Variants in RBFOX1 observed in about 807,000 individuals in gnomAD.
RBFOX1 encodes the protein RNA binding protein fox-1 homolog 1.
A neutral mutation model predicts 57.7 loss-of-function variants in RBFOX1; 8 were observed. That is an observed-to-expected ratio of 0.14 (90% CI 0.08 to 0.25). RBFOX1 has a LOEUF of 0.25. Among genes scored for constraint, RBFOX1 ranks in the 10% least tolerant of loss-of-function variants. The pLI, the probability that RBFOX1 is intolerant of heterozygous loss-of-function variation, is 1.00. For missense variants in RBFOX1, 611 were observed against 548.5 expected, an observed-to-expected ratio of 1.11 and a Z score of -1.14; for synonymous variants, 326 against 222.4, an observed-to-expected ratio of 1.47 and a Z score of -4.15.
At chr16:5,603,931 A>AC (rs948726418), downstream of RBFOX1, among the ~76,000 whole-genome samples, 26 of 152,238 alleles carry the variant, frequency 1.7e-4, no homozygotes, top group African/African-American at 6.3e-4. Context: ...TAGAAACTAT[A>AC]CCCTCCTATA....
chr16:5,890,675 TGACA>T (rs2058025003), intron 4 of RBFOX1, among the ~76,000 whole-genome samples: 1 of 123,726 alleles, frequency 8.1e-6, no homozygotes, highest in East Asian at 2.5e-4. Flanking sequence ...CTAGCCTGGG[TGACA>T]GACAGAGAGT....
intron 4 of RBFOX1, among the ~76,000 whole-genome samples, chr16:7,291,426 G>T (rs368230468): frequency 3.9e-5 from 6 of 152,260 alleles, no homozygotes; most frequent in East Asian, 3.9e-4. Flanking sequence ...TGATGTGCTA[G>T]TATAGCCACA....
At chr16:5,758,824 C>T (rs562892740) in intron 3 of RBFOX1, among the ~76,000 whole-genome samples, 1 of 152,080 alleles carries the variant, frequency 6.6e-6, no homozygotes, top group Non-Finnish European at 1.5e-5. Context: ...AATGTATGCT[C>T]CCCTAGACAG....
chr16:6,024,390 G>T (rs1181015740), intron 1 of RBFOX1, among the ~76,000 whole-genome samples: 7 of 152,116 alleles, frequency 4.6e-5, no homozygotes, highest in Non-Finnish European at 1.0e-4. Context: ...TGACTTGGGG[G>T]GACATTCCAG....
At chr16:7,593,230 T>A (rs2094532484) in intron 7 of RBFOX1, among the ~76,000 whole-genome samples, 1 of 152,172 alleles carries the variant, frequency 6.6e-6, no homozygotes, top group African/African-American at 2.4e-5. Context: ...TCTGGGATTC[T>A]AATCCAGTGG....
chr16:6,923,568 A>C lies in RBFOX1; in HGVS notation c.-15-128489A>C, dbSNP rs2074953154. 2.6e-5 allele frequency among the ~76,000 whole-genome samples: 4 copies of C among 152,080 alleles called. No homozygotes were observed. The South Asian group carries it at 6.2e-4, about 24-fold the overall frequency. ...AAATAAAAAGATGTGGTATTCTGTT[A>C]ATCATGGCTGACCATTTTCCAGGGC... On this transcript the variant is annotated intron_variant, in intron 3 of 15. Coordinates refer to ENST00000550418, the MANE Select transcript of RBFOX1 (RefSeq NM_018723.4).
intron 1 of RBFOX1, among the ~76,000 whole-genome samples, chr16:6,304,230 G>A (rs753382988): frequency 1.3e-4 from 20 of 151,896 alleles, no homozygotes; most frequent in Non-Finnish European, 2.9e-4. Flanking sequence ...GGAGATTGCA[G>A]TGAGCCGAGA....
chr16:5,585,149 C>G (rs565256523), intron 2 of RBFOX1, among the ~76,000 whole-genome samples: 1 of 152,266 alleles, frequency 6.6e-6, no homozygotes, highest in South Asian at 2.1e-4. Context: ...CCCTGAATCC[C>G]TTAAGGAACT....
chr16:6,763,225 T>C (rs2076878532), intron 3 of RBFOX1, among the ~76,000 whole-genome samples: 1 of 152,220 alleles, frequency 6.6e-6, no homozygotes, highest in Non-Finnish European at 1.5e-5. Context: ...AATAATTATT[T>C]GTTGAAGGAA....
At chr16:7,017,472 C>T (rs1481225575) in intron 3 of RBFOX1, among the ~76,000 whole-genome samples, 1 of 152,136 alleles carries the variant, frequency 6.6e-6, no homozygotes, top group African/African-American at 2.4e-5. Context: ...GACGCGCGCA[C>T]ACATGCTTGT....
intron 1 of RBFOX1, among the ~76,000 whole-genome samples, chr16:6,261,513 A>G (rs2097701326): frequency 6.6e-6 from 1 of 152,204 alleles, no homozygotes; most frequent in Non-Finnish European, 1.5e-5. Flanking sequence ...AGACAAACAG[A>G]AACAGGCTGC....
Position 6,091,740 on chromosome 16 carries a change from A to G in RBFOX1, c.-127+71748A>G, listed in dbSNP as rs116461882. Among the ~76,000 whole-genome samples the G allele has an allele frequency of 3.8e-3, 575 of 152,308 alleles. 6 individuals carry two copies. Among genetic ancestry groups the G allele is most frequent in the African/African-American group, 0.013 (539 of 41,570 alleles). On this transcript the variant is annotated intron_variant, in intron 1 of 15. Coordinates refer to ENST00000550418, the MANE Select transcript of RBFOX1 (RefSeq NM_018723.4). ...AGCTACCTGGGAGACCGAGGCTGGGAGAATTGCTTGAACCTGGGAGTTGGA... is the reference window on the plus strand; with the variant it reads ...AGCTACCTGGGAGACCGAGGCTGGGGGAATTGCTTGAACCTGGGAGTTGGA...
At chr16:7,580,889 G>C (rs1014801231) in intron 6 of RBFOX1, among the ~76,000 whole-genome samples, 1 of 152,162 alleles carries the variant, frequency 6.6e-6, no homozygotes, top group Non-Finnish European at 1.5e-5. Flanking sequence ...ATTTGACTTA[G>C]AGCAATGGTG....
chr16:7,513,133 G>C (rs2075556978), intron 4 of RBFOX1, among the ~76,000 whole-genome samples: 1 of 152,020 alleles, frequency 6.6e-6, no homozygotes, highest in South Asian at 2.1e-4. Flanking sequence ...CATCATGGCG[G>C]GTGCCTGTAA....
chr16:6,668,762 CATT>C (rs1199150835), intron 3 of RBFOX1, among the ~76,000 whole-genome samples: 2 of 151,962 alleles, frequency 1.3e-5, no homozygotes, highest in Non-Finnish European at 2.9e-5. Flanking sequence ...ATTTTAATAT[CATT>C]ATTTATAGCT....
chr16:6,895,584 AT>A (rs970874563), intron 3 of RBFOX1, among the ~76,000 whole-genome samples: 4 of 150,788 alleles, frequency 2.7e-5, no homozygotes, highest in African/African-American at 7.3e-5. Context: ...TGTTCAGAAA[AT>A]TTTTTTAAAG....
intron 2 of RBFOX1, among the ~76,000 whole-genome samples, chr16:5,477,975 A>G (rs1034709309): frequency 6.6e-6 from 1 of 152,034 alleles, no homozygotes; most frequent in African/African-American, 2.4e-5. Flanking sequence ...ACCGTGGCCC[A>G]CCTCACTCCC....
intron 3 of RBFOX1, among the ~76,000 whole-genome samples, chr16:6,761,976 C>T (rs886176017): frequency 1.3e-5 from 2 of 152,104 alleles, no homozygotes; most frequent in Non-Finnish European, 2.9e-5. Context: ...CCACTTATGC[C>T]TGCCTTCTCA....
At chr16:6,838,788 C>T (rs2093288522) in intron 3 of RBFOX1, among the ~76,000 whole-genome samples, 1 of 152,134 alleles carries the variant, frequency 6.6e-6, no homozygotes, top group Non-Finnish European at 1.5e-5. Flanking sequence ...ATGTACATGC[C>T]TCAAAAGGAT....
Sources: gnomAD v4.1 joint callset for allele counts (sites outside exome capture counted in the v4.1 genomes callset) on GRCh38, gnomAD v4.1.1 for gene constraint, MANE v1.5 for transcripts, NCBI Gene and HGNC (gene_info 2026-07-23, HGNC 2026-07-21) for gene names.